PDE12: variants seen among roughly 807,000 people sequenced by gnomAD.
PDE12 encodes 2',5'-phosphodiesterase 12.
Under a neutral mutation model 45.4 loss-of-function variants are expected in PDE12, and 26 were observed. The ratio of observed to expected loss-of-function variants is 0.57; its 90% CI spans 0.42 to 0.79. The LOEUF is 0.79. Ranked by LOEUF, PDE12 falls within the 30% of genes least tolerant of loss-of-function variation. PDE12 has a pLI of 0.00. For missense variants in PDE12, 668 were observed against 790.0 expected (o/e 0.85, Z 1.85); for synonymous variants, 283 against 323.9 (o/e 0.87, Z 1.36).
At chr3:57,603,023 CAG>C in the PDE12 span, among the ~76,000 whole-genome samples, 1 of 151,704 alleles carries the variant, frequency 6.6e-6, no homozygotes, top group Non-Finnish European at 1.5e-5. Context: ...AAAAATTAGC[CAG>C]GCATGGTGGC....
chr3:57,654,173 T>A, the PDE12 span, among the ~76,000 whole-genome samples: 1 of 151,478 alleles, frequency 6.6e-6, no homozygotes, highest in African/African-American at 2.4e-5. Flanking sequence ...GCCAGGATGG[T>A]CTCGATCTCC....
At chr3:57,631,437 A>G in the PDE12 span, among the ~76,000 whole-genome samples, 2 of 151,848 alleles carry the variant, frequency 1.3e-5, no homozygotes, top group African/African-American at 4.8e-5. Context: ...CTCATGATCC[A>G]CCTGCCTCAG....
the PDE12 span, among the ~76,000 whole-genome samples, chr3:57,574,843 C>A: frequency 6.7e-6 from 1 of 149,088 alleles, no homozygotes; most frequent in East Asian, 1.9e-4. Flanking sequence ...CAAAGCGAGA[C>A]CCCCCATCTC....
chr3:57,587,319 CAAAAAAAAAAAA>C, the PDE12 span, among the ~76,000 whole-genome samples: 4 of 45,408 alleles, frequency 8.8e-5, no homozygotes, highest in South Asian at 1.5e-3. Context: ...AACTCAGTCT[CAAAAAAAAAAAA>C]AAAAAAAAAA....
rs917467802 is a variant in PDE12, at chr3:57,565,686, C to T, written c.*5682C>T. The T allele has an allele frequency of 6.6e-6, 1 of 152,404 alleles. No homozygotes were observed. Among genetic ancestry groups the T allele is most frequent in the Non-Finnish European group, 1.5e-5 (1 of 68,142 alleles). 9.4% of individuals were successfully genotyped at this position (152,404 alleles called of 1,614,324 possible). A position where few individuals can be genotyped will look rare whatever the true frequency, so the allele number is the denominator to read the frequency against. On this transcript the variant is annotated 3_prime_UTR_variant, in exon 3 of 3. Transcript: ENST00000311180. ...GCATGGTGGCGCGCGCCTGTAGTCT[C>T]AGCTGCTTGGGGAGGCTGAGGCAGG...
chr3:57,583,473 A>C, the PDE12 span, among the ~76,000 whole-genome samples: 2 of 152,220 alleles, frequency 1.3e-5, no homozygotes, highest in African/African-American at 4.8e-5. Flanking sequence ...AATATCTTAC[A>C]AATCAATGCA....
At chr3:57,648,712 A>G in the PDE12 span, among the ~76,000 whole-genome samples, 1 of 152,206 alleles carries the variant, frequency 6.6e-6, no homozygotes, top group Non-Finnish European at 1.5e-5. Flanking sequence ...AGATAAAGCC[A>G]AATGCTTACA....
At chr3:57,620,413 ATT>A in the PDE12 span, among the ~76,000 whole-genome samples, 3 of 152,084 alleles carry the variant, frequency 2.0e-5, no homozygotes, top group Non-Finnish European at 4.4e-5. Flanking sequence ...AAAAAAGAAA[ATT>A]TTTTAAAAAA....
chr3:57,642,002 C>G, the PDE12 span, among the ~76,000 whole-genome samples: 1 of 152,048 alleles, frequency 6.6e-6, no homozygotes, highest in Non-Finnish European at 1.5e-5. Flanking sequence ...AATTAGAAGA[C>G]AGTGAAGGTG....
At chr3:57,643,590 G>A in the PDE12 span, among the ~76,000 whole-genome samples, 1 of 152,054 alleles carries the variant, frequency 6.6e-6, no homozygotes. Flanking sequence ...CACTTTGGGA[G>A]GCTGAGGCGG....
chr3:57,638,274 A>G, the PDE12 span, among the ~76,000 whole-genome samples: 3 of 150,608 alleles, frequency 2.0e-5, no homozygotes, highest in African/African-American at 7.3e-5. Context: ...AAGAATTCCT[A>G]TAACTAAAAA....
chr3:57,568,587 T>C (rs1203393636), downstream of PDE12, among the ~76,000 whole-genome samples: 2 of 151,614 alleles, frequency 1.3e-5, 1 homozygote, highest in Non-Finnish European at 2.9e-5. Context: ...ACACTTCTTT[T>C]TTTTTTTTTT....
chr3:57,633,255 A>C, the PDE12 span: 1 of 1,603,652 alleles, frequency 6.2e-7, no homozygotes, highest in Middle Eastern at 1.9e-4. Context: ...AAATTTATTT[A>C]TTAACTTACT....
chr3:57,628,396 A>G, the PDE12 span: 1 of 1,581,324 alleles, frequency 6.3e-7, no homozygotes, highest in Non-Finnish European at 8.6e-7. Flanking sequence ...AATCTGTATT[A>G]ATACATTACA....
chr3:57,649,294 C>A, the PDE12 span, among the ~76,000 whole-genome samples: 1 of 151,866 alleles, frequency 6.6e-6, no homozygotes, highest in Admixed American at 6.6e-5. Flanking sequence ...CAAATCAAAC[C>A]CACAATGCAC....
chr3:57,595,459 C>T, the PDE12 span, among the ~76,000 whole-genome samples: 2 of 152,150 alleles, frequency 1.3e-5, no homozygotes, highest in Non-Finnish European at 2.9e-5. Context: ...ATAATTCTGT[C>T]CTCTTGACAA....
the PDE12 span, among the ~76,000 whole-genome samples, chr3:57,639,353 T>C: frequency 3.9e-5 from 6 of 152,218 alleles, no homozygotes; most frequent in Admixed American, 2.6e-4. Flanking sequence ...AACAGTTTGG[T>C]GATTTCTTAA....
At chr3:57,634,187 C>A in the PDE12 span, among the ~76,000 whole-genome samples, 1 of 152,188 alleles carries the variant, frequency 6.6e-6, no homozygotes, top group Middle Eastern at 3.4e-3. Context: ...AATCCCAGGA[C>A]TTTGGGAGAC....
the PDE12 span, among the ~76,000 whole-genome samples, chr3:57,609,030 ACTGT>A: frequency 3.3e-5 from 5 of 152,174 alleles, no homozygotes; most frequent in Admixed American, 6.6e-5. Context: ...ATTATAACAA[ACTGT>A]CTGTCAGACA....
Sources: allele counts gnomAD v4.1 joint callset (sites outside exome capture counted in the v4.1 genomes callset), GRCh38; gene constraint gnomAD v4.1.1; transcripts MANE v1.5; gene names NCBI Gene and HGNC (gene_info 2026-07-23, HGNC 2026-07-21).